Variants in KIF1B observed in about 807,000 individuals in gnomAD.
KIF1B encodes kinesin-like protein KIF1B.
KIF1B carries 76 observed loss-of-function variants against 241.9 expected under a neutral mutation model. The observed-to-expected ratio is 0.31, with a 90% confidence interval of 0.26 to 0.38. KIF1B has a LOEUF of 0.38. Ranked by LOEUF, KIF1B falls within the 10% of genes least tolerant of loss-of-function variation. The pLI is 1.00. For missense variants in KIF1B, 1,622 were observed against 2,271.4 expected, an observed-to-expected ratio of 0.71 and a Z score of 5.81; for synonymous variants, 750 against 796.7, an observed-to-expected ratio of 0.94 and a Z score of 0.99.
chr1:10,329,289 T>C (rs1272085805), intron 27 of KIF1B, among the ~76,000 whole-genome samples: 1 of 152,170 alleles, frequency 6.6e-6, no homozygotes, highest in Non-Finnish European at 1.5e-5. Flanking sequence ...ACATTTCTCT[T>C]CTACAAACAA....
intron 32 of KIF1B, 148 bp downstream of exon 32, chr1:10,340,007 A>G: frequency 1.4e-6 from 1 of 732,650 alleles, no homozygotes. Flanking sequence ...TGGTGAGGTC[A>G]TCCACAGCGG....
At chr1:10,318,457 C>T (rs924993731) in intron 22 of KIF1B, among the ~76,000 whole-genome samples, 2 of 151,562 alleles carry the variant, frequency 1.3e-5, no homozygotes, top group African/African-American at 4.9e-5. Context: ...TGCGGTGGCT[C>T]ACGCCTGTAA....
At chr1:10,364,236 G>T (rs59927894) in intron 41 of KIF1B, among the ~76,000 whole-genome samples, 19 of 131,872 alleles carry the variant, frequency 1.4e-4, no homozygotes, top group Non-Finnish European at 3.1e-5. Context: ...ACAGAGTCTC[G>T]CTGTGTCACC....
intron 1 of KIF1B, chr1:10,227,751 T>G: frequency 6.5e-6 from 1 of 153,808 alleles, no homozygotes; most frequent in Middle Eastern, 5.2e-4. Context: ...GAGGCTGCAG[T>G]GAGCCAAGAT....
At chr1:10,262,059 C>A in intron 5 of KIF1B, 89 bp downstream of exon 5, 1 of 852,556 alleles carries the variant, frequency 1.2e-6, no homozygotes, top group Non-Finnish European at 2.0e-6. Flanking sequence ...GACTGTGGTA[C>A]ACATCACTTC....
chr1:10,262,223 C>T (rs1648192132), intron 5 of KIF1B, among the ~76,000 whole-genome samples: 1 of 152,150 alleles, frequency 6.6e-6, no homozygotes, highest in Non-Finnish European at 1.5e-5. Flanking sequence ...GATCACAGCT[C>T]ACTGCAGCCT....
At chr1:10,364,874 C>T (rs1188156707) in intron 41 of KIF1B, among the ~76,000 whole-genome samples, 2 of 151,602 alleles carry the variant, frequency 1.3e-5, no homozygotes, top group African/African-American at 2.4e-5. Context: ...GGCATGGTGG[C>T]GGGCACCTGT....
intron 2 of KIF1B, among the ~76,000 whole-genome samples, chr1:10,241,793 G>A (rs1198288425): frequency 2.0e-5 from 3 of 151,996 alleles, no homozygotes; most frequent in Non-Finnish European, 2.9e-5. Flanking sequence ...CTCAAGAGGT[G>A]TTTTGGAGTT....
At position 10,365,692 on chromosome 1, in the gene KIF1B, C is replaced by G. The variant is rs534965321; in HGVS notation, c.4752+44C>G. ...TTGCTGAACGTCTTCCCACAAGGCT[C>G]CACAAACTAGCCTCTCGGTTTATTC... On this transcript the variant is annotated intron_variant, in intron 43 of 48. Transcript: ENST00000676179. The surrounding 1 kb of genome is among the most constrained non-coding windows in gnomAD (Gnocchi z 4.0). The G allele has an allele frequency of 1.9e-6, 3 of 1,612,542 alleles. No homozygotes were observed. The highest frequency in any genetic ancestry group is 1.3e-5 in the African/African-American group (1 of 75,038).
chr1:10,225,271 G>T (rs973299399), intron 1 of KIF1B, among the ~76,000 whole-genome samples: 9 of 151,968 alleles, frequency 5.9e-5, no homozygotes, highest in Non-Finnish European at 1.3e-4. Context: ...GAGCTGAGAT[G>T]GTTCCACTGC....
chr1:10,336,228 A>G (rs1193946684), intron 28 of KIF1B, among the ~76,000 whole-genome samples: 2 of 152,162 alleles, frequency 1.3e-5, no homozygotes, highest in Admixed American at 6.5e-5. Flanking sequence ...GGCTCACTGC[A>G]ACCTCCGCCT....
At chr1:10,329,430 C>G (rs1651838416) in intron 27 of KIF1B, among the ~76,000 whole-genome samples, 1 of 152,122 alleles carries the variant, frequency 6.6e-6, no homozygotes, top group Non-Finnish European at 1.5e-5. Flanking sequence ...CAATATAAAT[C>G]ACTTGTAAAA....
rs946329823 is a variant in KIF1B at position 10,337,275 on chromosome 1, C to T, written c.3259+72C>T. On this transcript the variant is annotated intron_variant, in intron 30 of 48. Transcript: ENST00000676179. This position sits in a 1 kb window ranked among gnomAD's most constrained non-coding sequence, Gnocchi z 4.0. ...GAAAATATTGACCATTATCAAGGGACATAGTGGCCTTCATCAACTAGGAAT... is the reference window on the plus strand; with the variant it reads ...GAAAATATTGACCATTATCAAGGGATATAGTGGCCTTCATCAACTAGGAAT... 6 of 1,611,648 alleles carry T rather than the reference C, an allele frequency of 3.7e-6. No homozygotes were observed. The highest frequency in any genetic ancestry group is 5.1e-6 in the Non-Finnish European group (6 of 1,177,908).
chr1:10,339,301 G>A (rs78103969), intron 31 of KIF1B, among the ~76,000 whole-genome samples: 2,901 of 152,254 alleles, frequency 0.019, 42 homozygotes, highest in Non-Finnish European at 0.028. Flanking sequence ...GGAACACAAA[G>A]CTGCCAGGGT....
intron 1 of KIF1B, among the ~76,000 whole-genome samples, chr1:10,220,845 T>C (rs1646835982): frequency 6.6e-6 from 1 of 151,948 alleles, no homozygotes; most frequent in South Asian, 2.1e-4. Context: ...GTGCTTTTAA[T>C]AGAGACGGAG....
In KIF1B at chr1:10,344,971, T is replaced by C. The variant is rs532455686; in HGVS notation, c.3689-874T>C. ...CATTTGGGAGGCTGAGTCGGACAGA[T>C]TGCTTGAGCTCAGGAGTTAGAGACC... On this transcript the variant is annotated intron_variant, in intron 34 of 48. Transcript: ENST00000676179. The C allele has an allele frequency of 2.1e-3, 324 of 152,324 alleles. 1 individual carries two copies. Among genetic ancestry groups the C allele is most frequent in the South Asian group, 4.6e-3 (22 of 4,820 alleles). 9.4% of individuals were successfully genotyped at this position (152,324 alleles called of 1,614,324 possible). A position where few individuals can be genotyped will look rare whatever the true frequency, so the allele number is the denominator to read the frequency against.
chr1:10,348,757 G>A (rs756745349), intron 37 of KIF1B, 24 bp downstream of exon 37: 1 of 1,585,114 alleles, frequency 6.3e-7, no homozygotes, highest in Non-Finnish European at 8.7e-7. Context: ...ATCAGCCAAG[G>A]ATAGAACCAG....
chr1:10,311,766 T>C (rs1005815797), intron 22 of KIF1B, among the ~76,000 whole-genome samples: 1 of 151,402 alleles, frequency 6.6e-6, no homozygotes, highest in Non-Finnish European at 1.5e-5. Context: ...TCCATCATGG[T>C]CTGTGGACAC....
intron 1 of KIF1B, among the ~76,000 whole-genome samples, chr1:10,222,229 T>G (rs1184513266): frequency 6.6e-6 from 1 of 152,222 alleles, no homozygotes; most frequent in Non-Finnish European, 1.5e-5. Flanking sequence ...ATGGTCTCAT[T>G]TGACCTTGTC....
Sources: gnomAD v4.1 joint callset for allele counts (sites outside exome capture counted in the v4.1 genomes callset) on GRCh38, gnomAD v4.1.1 for gene constraint, Gnocchi (gnomAD v3.1) non-coding constraint, MANE v1.5 for transcripts, NCBI Gene and HGNC (gene_info 2026-07-23, HGNC 2026-07-21) for gene names.